The following SLC9A7 variants were observed in gnomAD, a reference collection of about 807,000 sequenced individuals.
SLC9A7 encodes solute carrier family 9 member A7.
In SLC9A7, 19 loss-of-function variants were observed where a neutral mutation model predicts 52.6. The ratio of observed to expected loss-of-function variants is 0.36; its 90% CI spans 0.25 to 0.53. The LOEUF is 0.53. Ranked by LOEUF, SLC9A7 falls within the 20% of genes least tolerant of loss-of-function variation. The pLI, the probability that SLC9A7 is intolerant of heterozygous loss-of-function variation, is 0.91. For synonymous variants in SLC9A7, 226 were observed against 252.1 expected (o/e 0.90, Z 0.98); for missense variants, 455 against 597.9 (o/e 0.76, Z 2.49).
intron 1 of SLC9A7, among the ~76,000 whole-genome samples, chrX:46,706,439 G>A (rs745877394): frequency 9.2e-6 from 1 of 109,081 alleles, no homozygotes; most frequent in East Asian, 2.9e-4. Context: ...TGTCTCTACT[G>A]TGTTTGAAAC....
chrX:46,630,116 C>A (rs1943198931), intron 14 of SLC9A7, among the ~76,000 whole-genome samples: 1 of 111,314 alleles, frequency 9.0e-6, no homozygotes, highest in Non-Finnish European at 1.9e-5. Flanking sequence ...GAGCAGGGAC[C>A]TAGAATGGAC....
chrX:46,728,849 T>C (rs1371003465), intron 1 of SLC9A7, among the ~76,000 whole-genome samples: 1 of 112,455 alleles, frequency 8.9e-6, no homozygotes, highest in African/African-American at 3.2e-5. Flanking sequence ...ACATCACAGA[T>C]GAATCTCAAA....
chrX:46,732,991 T>G (rs1945067618), intron 1 of SLC9A7, among the ~76,000 whole-genome samples: 1 of 112,461 alleles, frequency 8.9e-6, no homozygotes. Context: ...GTATACTACC[T>G]TTGGTCAGAG....
chrX:46,745,982 G>C (rs1330198171), intron 1 of SLC9A7, among the ~76,000 whole-genome samples: 1 of 109,811 alleles, frequency 9.1e-6, no homozygotes, highest in Non-Finnish European at 1.9e-5. Flanking sequence ...AAGCCAAAAA[G>C]TACAGTAACT....
At chrX:46,676,349 A>G (rs997346236) in intron 3 of SLC9A7, among the ~76,000 whole-genome samples, 7 of 111,741 alleles carry the variant, frequency 6.3e-5, no homozygotes, top group Non-Finnish European at 1.3e-4. Flanking sequence ...GTGGGGAGAA[A>G]TCCCTCCCAC....
chrX:46,738,684 C>T (rs969400004), intron 1 of SLC9A7, among the ~76,000 whole-genome samples: 3 of 109,519 alleles, frequency 2.7e-5, no homozygotes, highest in Non-Finnish European at 3.8e-5. Context: ...AAAGAAGAAT[C>T]GCTTGAGCCC....
At chrX:46,614,251 C>T (rs1427858402) in intron 15 of SLC9A7, among the ~76,000 whole-genome samples, 1 of 111,915 alleles carries the variant, frequency 8.9e-6, no homozygotes, top group Non-Finnish European at 1.9e-5. Context: ...CCAAACATCA[C>T]AGCTTAGCCC....
At chrX:46,684,288 T>A (rs1287595306) in intron 1 of SLC9A7, among the ~76,000 whole-genome samples, 1 of 111,847 alleles carries the variant, frequency 8.9e-6, no homozygotes, top group Non-Finnish European at 1.9e-5. Context: ...TGCTGCAACC[T>A]CCGCCTCCCA....
At chrX:46,654,983 T>C (rs1231504976) in intron 7 of SLC9A7, among the ~76,000 whole-genome samples, 1 of 85,272 alleles carries the variant, frequency 1.2e-5, no homozygotes, top group Non-Finnish European at 2.3e-5. Flanking sequence ...TCTTTCTTTC[T>C]TTTTTTTTTT....
At chrX:46,727,174 A>G (rs1340188427) in intron 1 of SLC9A7, among the ~76,000 whole-genome samples, 1 of 111,566 alleles carries the variant, frequency 9.0e-6, no homozygotes, top group Admixed American at 9.5e-5. Context: ...TTGCCTGAAT[A>G]TGTTTCCTGT....
intron 1 of SLC9A7, among the ~76,000 whole-genome samples, chrX:46,750,898 A>T (rs782185999): frequency 8.9e-6 from 1 of 112,606 alleles, no homozygotes; most frequent in Non-Finnish European, 1.9e-5. Flanking sequence ...AAACTGTGGT[A>T]CACACAAATC....
chrX:46,752,659 T>C (rs2082142975), intron 1 of SLC9A7, among the ~76,000 whole-genome samples: 1 of 111,203 alleles, frequency 9.0e-6, no homozygotes, highest in Admixed American at 9.7e-5. Flanking sequence ...GGATACTACA[T>C]AGGTAAAGCT....
chrX:46,723,656 T>C (rs1339699300), intron 1 of SLC9A7, among the ~76,000 whole-genome samples: 1 of 111,548 alleles, frequency 9.0e-6, no homozygotes, highest in African/African-American at 3.3e-5. Flanking sequence ...CCTCGGTATG[T>C]AGGACAGGGG....
intron 16 of SLC9A7, among the ~76,000 whole-genome samples, chrX:46,607,681 T>C (rs1489371941): frequency 9.0e-6 from 1 of 111,108 alleles, no homozygotes; most frequent in African/African-American, 3.3e-5. Flanking sequence ...GGACAAGCCA[T>C]AATCAGGATT....
chrX:46,733,678 C>T (rs978192623), intron 1 of SLC9A7, among the ~76,000 whole-genome samples: 5 of 56,835 alleles, frequency 8.8e-5, no homozygotes, highest in Non-Finnish European at 1.6e-4. Context: ...TAGCATCACA[C>T]TAAAGTAGAT....
At chrX:46,719,058 A>G (rs944586533) in intron 1 of SLC9A7, among the ~76,000 whole-genome samples, 47 of 111,616 alleles carry the variant, frequency 4.2e-4, no homozygotes, top group Non-Finnish European at 7.0e-4. Context: ...ATGTCCATCA[A>G]TGATAGACTG....
rs1486095792 is a variant in SLC9A7, at chrX:46,606,941, T to TA, written c.*10_*11insT. Reference sequence around the variant, plus strand: ...GAGCCTACCCCATCGCGCCAGGGCTTGGGGGGAAAGTCAAGCATTATCTTC... The same window carrying TA: ...GAGCCTACCCCATCGCGCCAGGGCTTAGGGGGGAAAGTCAAGCATTATCTTC... On this transcript the variant is annotated 3_prime_UTR_variant, in exon 17 of 17. Coordinates refer to ENST00000616978, the MANE Select transcript of SLC9A7 (RefSeq NM_001257291.2). 6 of 1,208,592 alleles carry TA rather than the reference T, an allele frequency of 5.0e-6. No individual in the cohort carries two copies. Among genetic ancestry groups the TA allele is most frequent in the Non-Finnish European group, 6.7e-6 (6 of 894,658 alleles).
intron 5 of SLC9A7, among the ~76,000 whole-genome samples, chrX:46,666,141 C>T (rs1303234528): frequency 8.9e-6 from 1 of 111,941 alleles, no homozygotes; most frequent in Admixed American, 9.5e-5. Context: ...GGGTCTTGCT[C>T]TGTCATCCAG....
chrX:46,704,244 T>G (rs751958357), intron 1 of SLC9A7, among the ~76,000 whole-genome samples: 1 of 111,837 alleles, frequency 8.9e-6, no homozygotes, highest in South Asian at 3.7e-4. Context: ...CTCATGAGAC[T>G]ACAAGCTCCA....
Sources: allele counts gnomAD v4.1 joint callset (sites outside exome capture counted in the v4.1 genomes callset), GRCh38; gene constraint gnomAD v4.1.1; transcripts MANE v1.5; gene names NCBI Gene and HGNC (gene_info 2026-07-23, HGNC 2026-07-21).